FBLN7: variants seen among roughly 807,000 people sequenced by gnomAD.
FBLN7 encodes the protein fibulin 7.
In FBLN7, 31 loss-of-function variants were observed where a neutral mutation model predicts 44.0. That is an observed-to-expected ratio of 0.70 (90% CI 0.53 to 0.95). FBLN7 has a LOEUF of 0.95. Ranked by LOEUF, FBLN7 falls within the 40% of genes least tolerant of loss-of-function variation. The pLI is 0.00. For missense variants in FBLN7, 573 were observed against 618.5 expected (o/e 0.93, Z 0.78); for synonymous variants, 262 against 253.4 (o/e 1.03, Z -0.32).
chr2:112,158,312 G>A (rs1015460052), intron 1 of FBLN7, among the ~76,000 whole-genome samples: 7 of 151,988 alleles, frequency 4.6e-5, no homozygotes, highest in Admixed American at 3.9e-4. Flanking sequence ...TGATGTGATT[G>A]CAGCTCACTG....
chr2:112,227,635 G>A, the FBLN7 span, among the ~76,000 whole-genome samples: 1 of 152,080 alleles, frequency 6.6e-6, no homozygotes, highest in Non-Finnish European at 1.5e-5. Flanking sequence ...CGAAGTCTTG[G>A]GAAACAAGAT....
downstream of FBLN7, chr2:112,190,486 T>G (rs896928340): frequency 6.6e-6 from 1 of 152,312 alleles, no homozygotes; most frequent in South Asian, 2.1e-4. Context: ...CAAAATGAGA[T>G]GGTTCACAGG....
the FBLN7 span, chr2:112,233,295 T>G: frequency 6.3e-7 from 1 of 1,598,588 alleles, no homozygotes; most frequent in Non-Finnish European, 8.5e-7. Context: ...TCTGGTACAA[T>G]ATCCTTGTAC....
At chr2:112,195,586 G>C in the FBLN7 span, among the ~76,000 whole-genome samples, 3 of 152,098 alleles carry the variant, frequency 2.0e-5, no homozygotes, top group Non-Finnish European at 4.4e-5. Context: ...GCCAGACCTG[G>C]GCTTGAAAGC....
chr2:112,232,575 C>T, the FBLN7 span, among the ~76,000 whole-genome samples: 6 of 151,888 alleles, frequency 4.0e-5, no homozygotes, highest in Admixed American at 3.9e-4. Flanking sequence ...TAAAGCATTC[C>T]TTTGGGGGTG....
At chr2:112,241,757 T>G in the FBLN7 span, among the ~76,000 whole-genome samples, 1 of 152,224 alleles carries the variant, frequency 6.6e-6, no homozygotes, top group Admixed American at 6.5e-5. Flanking sequence ...AGAATCAGAC[T>G]AACTGCTCTG....
intron 4 of FBLN7, 46 bp from the exon 5 acceptor site, chr2:112,181,693 G>T: frequency 7.4e-7 from 1 of 1,350,206 alleles, no homozygotes; most frequent in Non-Finnish European, 9.5e-7. Context: ...TCGGGCCCAC[G>T]GCAGGTGCGC....
chr2:112,151,367 T>C (rs1681151621), intron 1 of FBLN7: 1 of 152,152 alleles, frequency 6.6e-6, no homozygotes, highest in South Asian at 2.1e-4. Flanking sequence ...TGTTTCTGAG[T>C]GGGTTGGCAG....
chr2:112,195,033 T>C, the FBLN7 span, among the ~76,000 whole-genome samples: 1 of 152,130 alleles, frequency 6.6e-6, no homozygotes, highest in South Asian at 2.1e-4. Flanking sequence ...AGTTGGCACT[T>C]GATTCATGGA....
In FBLN7 at chr2:112,138,453, TG is replaced by T; in HGVS notation, c.-201del. The T allele has an allele frequency of 5.3e-6, 2 of 378,038 alleles. No individual in the cohort carries two copies. The highest frequency in any genetic ancestry group is 8.3e-6 in the Non-Finnish European group (2 of 240,818). 23.4% of individuals were successfully genotyped at this position (378,038 alleles called of 1,614,324 possible). A position where few individuals can be genotyped will look rare whatever the true frequency, so the allele number is the denominator to read the frequency against. On this transcript the variant is annotated 5_prime_UTR_variant, in exon 1 of 8. Transcript: ENST00000331203. ...TCGTGCGGGCAGCTGCGGGCGCACC[TG>T]GACCCTCGCAAGGCCCGGGCGGCGC...
At chr2:112,202,645 T>C in the FBLN7 span, among the ~76,000 whole-genome samples, 1 of 152,100 alleles carries the variant, frequency 6.6e-6, no homozygotes, top group East Asian at 1.9e-4. Flanking sequence ...AGCAACAATT[T>C]GAAGAGAATT....
At chr2:112,216,789 T>A in the FBLN7 span, among the ~76,000 whole-genome samples, 4 of 148,066 alleles carry the variant, frequency 2.7e-5, no homozygotes, top group Non-Finnish European at 4.5e-5. Flanking sequence ...CAAGAAAGAA[T>A]AAATTTGAAT....
chr2:112,189,263 A>G (rs949653194), downstream of FBLN7: 3 of 152,200 alleles, frequency 2.0e-5, no homozygotes, highest in Non-Finnish European at 2.9e-5. Context: ...TAAAGCAACA[A>G]TTTCCATCAC....
the FBLN7 span, among the ~76,000 whole-genome samples, chr2:112,202,445 AT>A: frequency 6.6e-6 from 1 of 151,632 alleles, no homozygotes; most frequent in Non-Finnish European, 1.5e-5. Flanking sequence ...AAATATATAT[AT>A]TTTTAAGTGC....
the FBLN7 span, among the ~76,000 whole-genome samples, chr2:112,197,005 G>A: frequency 1.8e-4 from 27 of 151,890 alleles, no homozygotes; most frequent in South Asian, 6.2e-4. Flanking sequence ...AACAGCATGG[G>A]GAAGACCTGC....
Position 112,165,235 on chromosome 2 carries a change from A to T in FBLN7, c.406+64A>T, listed in dbSNP as rs573083949. 62 of 1,543,680 alleles carry T rather than the reference A, an allele frequency of 4.0e-5. No individual in the cohort carries two copies. In the South Asian group the frequency reaches 7.0e-4, roughly 18 times the overall value. The stretch of plus-strand genomic sequence containing the variant: ...TCACAGTATAGCAAGGGTTTCTTGC[A>T]TAGAAAGGGTCATTCCTTGGAACAT... On this transcript the variant is annotated intron_variant, in intron 3 of 7. Transcript: ENST00000331203.
chr2:112,230,022 T>C, the FBLN7 span, among the ~76,000 whole-genome samples: 3 of 148,874 alleles, frequency 2.0e-5, no homozygotes, highest in South Asian at 4.2e-4. Flanking sequence ...AAGAATTATA[T>C]AAGGAATATA....
intron 3 of FBLN7, among the ~76,000 whole-genome samples, chr2:112,175,132 C>CA (rs1320497094): frequency 2.6e-5 from 4 of 152,082 alleles, no homozygotes; most frequent in African/African-American, 9.7e-5. Flanking sequence ...AAGGAAATGT[C>CA]AAAAAACTCT....
the FBLN7 span, chr2:112,215,385 T>C: frequency 6.6e-6 from 1 of 152,258 alleles, no homozygotes; most frequent in Non-Finnish European, 1.5e-5. Flanking sequence ...TCTAAGGGCC[T>C]AGGATTTACC....
Sources: allele counts gnomAD v4.1 joint callset (sites outside exome capture counted in the v4.1 genomes callset), GRCh38; gene constraint gnomAD v4.1.1; transcripts MANE v1.5; gene names NCBI Gene and HGNC (gene_info 2026-07-23, HGNC 2026-07-21).